Variants in NOSTRIN observed in about 807,000 individuals in gnomAD.
NOSTRIN encodes the protein BM247 homolog.
NOSTRIN carries 63 observed loss-of-function variants against 59.0 expected under a neutral mutation model. The ratio of observed to expected loss-of-function variants is 1.07; its 90% CI spans 0.87 to 1.32. The LOEUF (loss-of-function observed/expected upper bound fraction) is 1.32. NOSTRIN is among the 40% of genes most tolerant of loss of function. The probability of loss-of-function intolerance (pLI) is 0.00; values close to 1 mark genes in which losing one functional copy is unlikely to be tolerated. For synonymous variants in NOSTRIN, 200 were observed against 165.4 expected (o/e 1.21, Z -1.61); for missense variants, 512 against 473.1 (o/e 1.08, Z -0.76).
At chr2:168,830,531 C>T (rs919058937) in intron 5 of NOSTRIN, among the ~76,000 whole-genome samples, 2 of 152,152 alleles carry the variant, frequency 1.3e-5, no homozygotes, top group African/African-American at 4.8e-5. Context: ...GTGTAGCATT[C>T]GCTAGATCTC....
At position 168,842,174 on chromosome 2, in the gene NOSTRIN, CCTT is replaced by C. The variant is rs1329401293; in HGVS notation, c.505-814_505-812del. ...AGAAAAGAGGTTCTGGTTTCTGTGA[CCTT>C]CTTTGGGGAAGAGGGATTCTGGTTT... On this transcript the variant is annotated intron_variant, in intron 7 of 15. Coordinates refer to ENST00000317647, the MANE Select transcript of NOSTRIN (RefSeq NM_001039724.4). Among the ~76,000 whole-genome samples, 6 of 152,276 alleles carry C rather than the reference CCTT, an allele frequency of 3.9e-5. No individual in the cohort carries two copies. The South Asian group carries it at 8.3e-4, about 21-fold the overall frequency.
At chr2:168,855,616 AAAGTAGAAGAAAAAAGAAAGCC>A in intron 11 of NOSTRIN, 156 bp downstream of exon 11, 1 of 282,604 alleles carries the variant, frequency 3.5e-6, no homozygotes, top group Non-Finnish European at 6.6e-6. Flanking sequence ...AAAAAAAAAA[AAAGTAGAAGAAAAAAGAAAGCC>A]AAAAAAAAAA....
chr2:168,812,940 A>G (rs1686225028), intron 2 of NOSTRIN, among the ~76,000 whole-genome samples: 1 of 152,238 alleles, frequency 6.6e-6, no homozygotes, highest in Non-Finnish European at 1.5e-5. Flanking sequence ...GGGGCCAAAG[A>G]AAGATATGAG....
At chr2:168,792,619 TTTTG>T (rs928915164) in intron 2 of NOSTRIN, among the ~76,000 whole-genome samples, 12 of 151,950 alleles carry the variant, frequency 7.9e-5, no homozygotes, top group East Asian at 5.8e-4. Context: ...TCAGCTAATT[TTTTG>T]TTTGTTTGTT....
intron 3 of NOSTRIN, among the ~76,000 whole-genome samples, chr2:168,826,189 C>G (rs902284324): frequency 6.7e-6 from 1 of 150,142 alleles, no homozygotes; most frequent in African/African-American, 2.5e-5. Context: ...ATGTCCATTA[C>G]GTTTTTGATT....
chr2:168,798,675 A>G (rs1220817126), upstream of NOSTRIN, among the ~76,000 whole-genome samples: 2 of 152,224 alleles, frequency 1.3e-5, no homozygotes, highest in South Asian at 2.1e-4. Flanking sequence ...CAGCCAGAGT[A>G]TGAGTGCGGG....
intron 5 of NOSTRIN, 24 bp downstream of exon 5, chr2:168,828,525 C>A (rs1687182060): frequency 2.4e-6 from 2 of 820,814 alleles, no homozygotes; most frequent in African/African-American, 1.7e-5. Flanking sequence ...TTTCTTTACT[C>A]TTCCTGTTTA....
intron 1 of NOSTRIN, among the ~76,000 whole-genome samples, chr2:168,809,951 G>A (rs1327279622): frequency 6.6e-6 from 1 of 151,902 alleles, no homozygotes; most frequent in Non-Finnish European, 1.5e-5. Flanking sequence ...TTTTTAATTT[G>A]TGAATTGTTT....
intron 8 of NOSTRIN, among the ~76,000 whole-genome samples, chr2:168,850,460 T>C (rs1688693285): frequency 6.6e-6 from 1 of 152,218 alleles, no homozygotes; most frequent in African/African-American, 2.4e-5. Context: ...ATTTGTGGCC[T>C]GTCATTCTCT....
chr2:168,864,892 T>G lies in NOSTRIN; in HGVS notation c.1443T>G (p.Asn481Lys). ...KEGGWWFGSLNGKKGHFPAAY... is the reference protein window; with the variant it reads ...KEGGWWFGSLKGKKGHFPAAY... Reference sequence around the variant, plus strand: ...GAGGATGGTGGTTTGGATCTTTGAATGGGAAAAAAGGCCATTTTCCTGCCG... The same window carrying G: ...GAGGATGGTGGTTTGGATCTTTGAAGGGGAAAAAAGGCCATTTTCCTGCCG... The change falls in exon 16 of 16, where the codon AAT becomes AAG. Residue 481 changes from asparagine to lysine, a missense_variant. Coordinates refer to ENST00000317647, the MANE Select transcript of NOSTRIN (RefSeq NM_001039724.4). 6.2e-7 allele frequency: 1 copy of G among 1,614,000 alleles called. No individual in the cohort carries two copies.
At chr2:168,847,475 C>G (rs1192522881) in intron 8 of NOSTRIN, among the ~76,000 whole-genome samples, 1 of 151,984 alleles carries the variant, frequency 6.6e-6, no homozygotes, top group African/African-American at 2.4e-5. Context: ...TTTGAGAGTC[C>G]CTGCTCTAGA....
At chr2:168,849,918 A>ATT (rs71297456) in intron 8 of NOSTRIN, among the ~76,000 whole-genome samples, 4 of 91,396 alleles carry the variant, frequency 4.4e-5, no homozygotes, top group African/African-American at 1.3e-4. Context: ...ACATTTTCTC[A>ATT]TTTTTTTTTT....
At chr2:168,793,540 G>A (rs1229140824), upstream of NOSTRIN, among the ~76,000 whole-genome samples, 1 of 152,186 alleles carries the variant, frequency 6.6e-6, no homozygotes, top group Non-Finnish European at 1.5e-5. Flanking sequence ...GAGTTTGGGA[G>A]GCAGAGGTTG....
At chr2:168,786,720 G>A (rs572049833) in intron 1 of NOSTRIN, 2 of 152,076 alleles carry the variant, frequency 1.3e-5, no homozygotes, top group Non-Finnish European at 2.9e-5. Context: ...TCCTCGAAGT[G>A]TACTTTACTT....
At chr2:168,809,831 C>T (rs1048835944) in intron 1 of NOSTRIN, among the ~76,000 whole-genome samples, 11 of 151,168 alleles carry the variant, frequency 7.3e-5, no homozygotes, top group African/African-American at 2.7e-4. Context: ...GCTTGATTGC[C>T]AAATAGTGAT....
chr2:168,829,792 A>G (rs1200896370), intron 5 of NOSTRIN, among the ~76,000 whole-genome samples: 1 of 152,054 alleles, frequency 6.6e-6, no homozygotes, highest in Non-Finnish European at 1.5e-5. Context: ...TGCAGGTAAG[A>G]TGTTTGTAAG....
At chr2:168,800,628 A>T (rs903068664), upstream of NOSTRIN, among the ~76,000 whole-genome samples, 1 of 152,212 alleles carries the variant, frequency 6.6e-6, no homozygotes, top group Non-Finnish European at 1.5e-5. Flanking sequence ...TATAATTCGT[A>T]TACAAAGATC....
intron 3 of NOSTRIN, among the ~76,000 whole-genome samples, chr2:168,826,290 G>T (rs1157543253): frequency 6.6e-6 from 1 of 152,102 alleles, no homozygotes; most frequent in Non-Finnish European, 1.5e-5. Context: ...AGAGTTGGCA[G>T]GTCCAGAATG....
rs750758442 is a variant in NOSTRIN at position 168,859,497 on chromosome 2, A to G, written c.1054-15A>G. The G allele has an allele frequency of 1.9e-6, 3 of 1,611,040 alleles. No individual in the cohort carries two copies. The African/African-American group carries it at 4.0e-5, about 22-fold the overall frequency. On this transcript the variant is annotated splice_polypyrimidine_tract_variant and intron_variant, in intron 12 of 15. Transcript: ENST00000317647. ...ACTAGAAATTTGCTCACATGGCCAAATGATGTATCCACAGAACAATTTGAA... is the reference window on the plus strand; with the variant it reads ...ACTAGAAATTTGCTCACATGGCCAAGTGATGTATCCACAGAACAATTTGAA...
Sources: gnomAD v4.1 joint callset for allele counts (sites outside exome capture counted in the v4.1 genomes callset) on GRCh38, gnomAD v4.1.1 for gene constraint, MANE v1.5 for transcripts, NCBI Gene and HGNC (gene_info 2026-07-23, HGNC 2026-07-21) for gene names.